The following LDB2 variants were observed in gnomAD, a reference collection of about 807,000 sequenced individuals.
LDB2 encodes LIM domain-binding protein 2.
A neutral mutation model predicts 44.3 loss-of-function variants in LDB2; 12 were observed. The observed-to-expected ratio is 0.27, with a 90% CI of 0.17 to 0.44. The LOEUF is 0.44. Ranked by LOEUF, LDB2 falls within the 20% of genes least tolerant of loss-of-function variation. The pLI is 1.00. For synonymous variants in LDB2, 164 were observed against 174.8 expected (o/e 0.94, Z 0.49); for missense variants, 344 against 473.5 (o/e 0.73, Z 2.54).
At chr4:16,756,029 C>G (rs1288154582) in intron 2 of LDB2, among the ~76,000 whole-genome samples, 1 of 152,158 alleles carries the variant, frequency 6.6e-6, no homozygotes, top group Non-Finnish European at 1.5e-5. Context: ...AGATGGAGCA[C>G]GTGGAGGAAG....
intron 1 of LDB2, among the ~76,000 whole-genome samples, chr4:16,887,404 A>G (rs1331558811): frequency 6.6e-6 from 1 of 152,180 alleles, no homozygotes. Context: ...ATTTGGGACT[A>G]GTAGGTTCCA....
intron 2 of LDB2, among the ~76,000 whole-genome samples, chr4:16,744,014 A>C (rs1194418056): frequency 6.6e-6 from 1 of 152,254 alleles, no homozygotes; most frequent in East Asian, 1.9e-4. Context: ...ACTTGGCTCT[A>C]AAATATTTTG....
At chr4:16,839,712 T>C (rs1006861025) in intron 1 of LDB2, among the ~76,000 whole-genome samples, 3 of 152,200 alleles carry the variant, frequency 2.0e-5, no homozygotes, top group Non-Finnish European at 2.9e-5. Context: ...CTGTGTTCCA[T>C]GTAGGAAGTC....
intron 2 of LDB2, among the ~76,000 whole-genome samples, chr4:16,623,998 C>T (rs1729605701): frequency 6.6e-6 from 1 of 152,152 alleles, no homozygotes; most frequent in South Asian, 2.1e-4. Flanking sequence ...CTCTCCTTGC[C>T]ACCTCCCTCC....
chr4:16,519,353 A>G (rs1184991728), intron 5 of LDB2, among the ~76,000 whole-genome samples: 2 of 151,872 alleles, frequency 1.3e-5, no homozygotes, highest in East Asian at 4.0e-4. Flanking sequence ...TGTGGTTCCT[A>G]CAGTGTATCC....
At chr4:16,741,732 A>G (rs1763287904) in intron 2 of LDB2, among the ~76,000 whole-genome samples, 1 of 152,230 alleles carries the variant, frequency 6.6e-6, no homozygotes, top group African/African-American at 2.4e-5. Context: ...CCCCATGCCA[A>G]CTTTCACTGC....
At chr4:16,648,575 A>G (rs1737415098) in intron 2 of LDB2, among the ~76,000 whole-genome samples, 2 of 152,196 alleles carry the variant, frequency 1.3e-5, no homozygotes, top group South Asian at 4.1e-4. Context: ...CAAGTGAGAA[A>G]GATACTCTGG....
chr4:16,630,026 C>G (rs1184746398), intron 2 of LDB2, among the ~76,000 whole-genome samples: 1 of 152,148 alleles, frequency 6.6e-6, no homozygotes, highest in African/African-American at 2.4e-5. Context: ...AGGATATTAT[C>G]CAGGAGAACT....
intron 1 of LDB2, among the ~76,000 whole-genome samples, chr4:16,853,116 T>C (rs1014677679): frequency 5.9e-5 from 9 of 152,346 alleles, no homozygotes; most frequent in South Asian, 2.1e-4. Flanking sequence ...TGTGCTATTA[T>C]GCTACAAGAA....
At chr4:16,709,236 AGAT>A (rs1442296890) in intron 2 of LDB2, among the ~76,000 whole-genome samples, 1 of 152,232 alleles carries the variant, frequency 6.6e-6, no homozygotes, top group Non-Finnish European at 1.5e-5. Context: ...CAAATATGGT[AGAT>A]GATATTTGAG....
intron 1 of LDB2, among the ~76,000 whole-genome samples, chr4:16,813,910 C>A (rs528883047): frequency 6.7e-6 from 1 of 149,682 alleles, no homozygotes; most frequent in Non-Finnish European, 1.5e-5. Flanking sequence ...CTGGCTCTGT[C>A]GCCCAGGCTG....
chr4:16,688,576 T>C (rs1226167695), intron 2 of LDB2, among the ~76,000 whole-genome samples: 1 of 152,258 alleles, frequency 6.6e-6, no homozygotes, highest in Admixed American at 6.5e-5. Context: ...TGGGATCTGA[T>C]AATAATAAAT....
At chr4:16,847,609 G>GTTTGTTTA (rs1206779045) in intron 1 of LDB2, among the ~76,000 whole-genome samples, 2 of 134,924 alleles carry the variant, frequency 1.5e-5, no homozygotes, top group African/African-American at 2.7e-5. Context: ...TTGTTTGTTT[G>GTTTGTTTA]TTTGTTTGTT....
chr4:16,502,727 C>CAGCGCG lies in LDB2; in HGVS notation c.1032_1037dup (p.Ala345_Leu346dup). 5.0e-6 allele frequency: 8 copies of CAGCGCG among 1,613,956 alleles called. No individual in the cohort carries two copies. The highest frequency in any genetic ancestry group is 6.8e-6 in the Non-Finnish European group (8 of 1,179,964). ...TACTGTTCCACGGGCTGTTGTTCCC[C>CAGCGCG]AGCGCGGGTGAATTGTTGAAGTCCT... On this transcript the variant is annotated inframe_insertion, in exon 8 of 8. Transcript: ENST00000304523.
chr4:16,881,734 A>T (rs1214498409), intron 1 of LDB2, among the ~76,000 whole-genome samples: 1 of 151,960 alleles, frequency 6.6e-6, no homozygotes, highest in African/African-American at 2.4e-5. Flanking sequence ...CAGAAAAAAA[A>T]TGATTATTTT....
At chr4:16,673,464 G>A (rs551838561) in intron 2 of LDB2, among the ~76,000 whole-genome samples, 27 of 152,254 alleles carry the variant, frequency 1.8e-4, no homozygotes, top group South Asian at 4.2e-4. Context: ...GGGTCACAAC[G>A]CGGAAAAGGC....
chr4:16,666,769 C>T (rs988527521), intron 2 of LDB2, among the ~76,000 whole-genome samples: 4 of 152,174 alleles, frequency 2.6e-5, no homozygotes, highest in Admixed American at 2.0e-4. Context: ...ACAAATTGGA[C>T]GTGTGCCAGT....
intron 2 of LDB2, among the ~76,000 whole-genome samples, chr4:16,673,319 A>G (rs1578669859): frequency 1.3e-5 from 2 of 152,348 alleles, no homozygotes; most frequent in East Asian, 1.9e-4. Flanking sequence ...ACTATGTTCA[A>G]AACACTGTGG....
intron 2 of LDB2, among the ~76,000 whole-genome samples, chr4:16,655,493 A>G (rs1434197908): frequency 6.6e-6 from 1 of 152,176 alleles, no homozygotes; most frequent in Non-Finnish European, 1.5e-5. Context: ...CACCCATCAC[A>G]AACACATTAA....
Sources: allele counts gnomAD v4.1 joint callset (sites outside exome capture counted in the v4.1 genomes callset), GRCh38; gene constraint gnomAD v4.1.1; transcripts MANE v1.5; gene names NCBI Gene and HGNC (gene_info 2026-07-23, HGNC 2026-07-21).